RIC3: variants seen among roughly 807,000 people sequenced by gnomAD.
RIC3 encodes protein RIC-3.
A neutral mutation model predicts 27.3 loss-of-function variants in RIC3; 28 were observed. That is an observed-to-expected ratio of 1.02 (90% CI 0.76 to 1.41). The LOEUF is 1.41. Among genes scored for constraint, RIC3 ranks in the 40% most tolerant of loss-of-function variants. RIC3 has a pLI of 0.00. For synonymous variants in RIC3, 184 were observed against 160.4 expected, an observed-to-expected ratio of 1.15 and a Z score of -1.11; for missense variants, 501 against 444.7, an observed-to-expected ratio of 1.13 and a Z score of -1.14.
chr11:8,111,874 T>C (rs67800627), intron 5 of RIC3, among the ~76,000 whole-genome samples: 10,140 of 152,288 alleles, frequency 0.067, 387 homozygotes, highest in South Asian at 0.11. Context: ...GAAATAAATC[T>C]GTGTCCGCCA....
intron 4 of RIC3, among the ~76,000 whole-genome samples, chr11:8,130,344 T>C (rs1947539500): frequency 6.6e-6 from 1 of 152,226 alleles, no homozygotes; most frequent in South Asian, 2.1e-4. Context: ...ATTAAATTCA[T>C]CCAGGCAACA....
At chr11:8,149,326 G>C (rs1239824549) in intron 1 of RIC3, among the ~76,000 whole-genome samples, 1 of 152,134 alleles carries the variant, frequency 6.6e-6, no homozygotes, top group African/African-American at 2.4e-5. Flanking sequence ...CTGTGTATAT[G>C]AGATTGAGAA....
chr11:8,122,372 C>T (rs1306400044), intron 5 of RIC3, among the ~76,000 whole-genome samples: 1 of 152,048 alleles, frequency 6.6e-6, no homozygotes, highest in Non-Finnish European at 1.5e-5. Context: ...TTTCCCCCTA[C>T]TCAGCATAAT....
chr11:8,100,535 G>A, the RIC3 span: 1 of 1,614,132 alleles, frequency 6.2e-7, no homozygotes, highest in Non-Finnish European at 8.5e-7. Context: ...AGGGGCCTCG[G>A]AAGATGAGCG....
intron 1 of RIC3, among the ~76,000 whole-genome samples, chr11:8,155,741 A>C (rs1172516186): frequency 6.6e-6 from 1 of 152,176 alleles, no homozygotes; most frequent in African/African-American, 2.4e-5. Flanking sequence ...GGGGCAAATA[A>C]ATCTATAAAG....
intron 1 of RIC3, among the ~76,000 whole-genome samples, chr11:8,164,672 G>A (rs1951505227): frequency 6.6e-6 from 1 of 151,694 alleles, no homozygotes; most frequent in African/African-American, 2.4e-5. Flanking sequence ...TAGTTACCTG[G>A]GAGGGTAAGG....
downstream of RIC3, chr11:8,104,245 A>G (rs1944428991): frequency 6.6e-6 from 1 of 152,216 alleles, no homozygotes; most frequent in African/African-American, 2.4e-5. Flanking sequence ...CCCTAATGGT[A>G]TTGGGCAGTT....
At chr11:8,122,864 CAAAAAAAA>C (rs55826618) in intron 5 of RIC3, among the ~76,000 whole-genome samples, 2 of 63,514 alleles carry the variant, frequency 3.1e-5, no homozygotes, top group East Asian at 9.7e-4. Flanking sequence ...ACCAGGTATG[CAAAAAAAA>C]AAAAAAAAAA....
At chr11:8,153,424 CT>C in intron 1 of RIC3, 1 of 452,932 alleles carries the variant, frequency 2.2e-6, no homozygotes, top group South Asian at 1.6e-5. Flanking sequence ...TCTTAGTTTT[CT>C]GCAATACAAA....
chr11:8,159,543 C>CA (rs1195753255), intron 1 of RIC3, among the ~76,000 whole-genome samples: 1 of 152,082 alleles, frequency 6.6e-6, no homozygotes, highest in Non-Finnish European at 1.5e-5. Flanking sequence ...AGGAAGGAGG[C>CA]AAACCAGGGT....
intron 1 of RIC3, among the ~76,000 whole-genome samples, chr11:8,153,708 T>G (rs1011562859): frequency 6.6e-6 from 1 of 152,222 alleles, no homozygotes; most frequent in Admixed American, 6.5e-5. Context: ...CTTCTAGTTC[T>G]GACTTTTCCC....
chr11:8,135,891 T>A (rs766237584), intron 4 of RIC3: 1 of 152,148 alleles, frequency 6.6e-6, no homozygotes, highest in Non-Finnish European at 1.5e-5. Flanking sequence ...ATTGCACAAA[T>A]TGGTTTAGTC....
At chr11:8,134,219 C>G (rs1389471100) in intron 4 of RIC3, among the ~76,000 whole-genome samples, 1 of 152,148 alleles carries the variant, frequency 6.6e-6, no homozygotes, top group African/African-American at 2.4e-5. Context: ...TTGTTCAATT[C>G]CCACCTATGA....
chr11:8,096,138 T>C, the RIC3 span, among the ~76,000 whole-genome samples: 1 of 152,232 alleles, frequency 6.6e-6, no homozygotes, highest in East Asian at 1.9e-4. Context: ...AACTTGAGGA[T>C]GGGGATGGCA....
chr11:8,138,103 T>A (rs142617020), intron 3 of RIC3, among the ~76,000 whole-genome samples, 169 bp downstream of exon 3: 11 of 152,188 alleles, frequency 7.2e-5, no homozygotes, highest in African/African-American at 2.4e-4. Context: ...TTGTAGTACA[T>A]CAATATAAAA....
chr11:8,133,286 A>G (rs1437164372), intron 4 of RIC3, among the ~76,000 whole-genome samples: 1 of 152,058 alleles, frequency 6.6e-6, no homozygotes, highest in Non-Finnish European at 1.5e-5. Context: ...AGCTAAATAA[A>G]CCTCTGTTCT....
chr11:8,100,487 G>A, the RIC3 span: 7 of 1,610,816 alleles, frequency 4.3e-6, no homozygotes, highest in Middle Eastern at 1.7e-4. Context: ...GGCCAGTGTT[G>A]CGTTCTCTTT....
rs1176262622 is a variant in RIC3 at position 8,138,148 on chromosome 11, G to T, written c.427+124C>A. On this transcript the variant is annotated intron_variant, in intron 3 of 5. Transcript: ENST00000309737. Reference sequence around the variant, plus strand: ...AATTCCCAGAACTAAGGCAAAAATGGCATCAGATTAATTTGGAGCAACTTT... The same window carrying T: ...AATTCCCAGAACTAAGGCAAAAATGTCATCAGATTAATTTGGAGCAACTTT... The T allele has an allele frequency of 6.5e-6, 4 of 611,202 alleles. No individual in the cohort carries two copies. In the East Asian group the frequency reaches 8.6e-5, roughly 13 times the overall value. 37.9% of individuals were successfully genotyped at this position (611,202 alleles called of 1,614,324 possible).
downstream of RIC3, chr11:8,101,907 C>G (rs547625885): frequency 2.5e-6 from 1 of 402,036 alleles, no homozygotes; most frequent in Non-Finnish European, 4.5e-6. Context: ...GTGTTGTAGT[C>G]GTACTTACCA....
Sources: gnomAD v4.1 joint callset for allele counts (sites outside exome capture counted in the v4.1 genomes callset) on GRCh38, gnomAD v4.1.1 for gene constraint, MANE v1.5 for transcripts, NCBI Gene and HGNC (gene_info 2026-07-23, HGNC 2026-07-21) for gene names.